The following TBC1D9 variants were observed in gnomAD, a reference collection of about 807,000 sequenced individuals.
TBC1D9 encodes TBC1 domain family member 9, also known as TBC1 domain family member 9A.
In TBC1D9, 63 loss-of-function variants were observed where a neutral mutation model predicts 132.0. The observed-to-expected ratio is 0.48, with a 90% confidence interval of 0.39 to 0.59. The LOEUF is 0.59. TBC1D9 is among the 20% of genes least tolerant of loss of function. The pLI is 0.00. For synonymous variants in TBC1D9, 610 were observed against 609.9 expected (o/e 1.00, Z 0.00); for missense variants, 1,261 against 1,592.7 (o/e 0.79, Z 3.54).
intron 6 of TBC1D9, among the ~76,000 whole-genome samples, chr4:140,673,680 C>T (rs1737575845): frequency 6.6e-6 from 1 of 152,152 alleles, no homozygotes; most frequent in African/African-American, 2.4e-5. Flanking sequence ...GCCTTCCAAC[C>T]ACAACAAGCT....
chr4:140,644,224 TG>T (rs964295582), intron 13 of TBC1D9: 5 of 333,034 alleles, frequency 1.5e-5, no homozygotes, highest in African/African-American at 4.4e-5. Context: ...TGGAAAGTGC[TG>T]GGGGCTTCCT....
rs186069970 is a variant in TBC1D9, at chr4:140,659,776, T to G, written c.1804-71A>C. 2.0e-4 allele frequency: 222 copies of G among 1,085,290 alleles called. 1 individual carries two copies. In the East Asian group the frequency reaches 5.1e-3, roughly 25 times the overall value. The allele number at this position is 1,085,290 out of a possible 1,614,324, so 67.2% of individuals were successfully genotyped here. A position where few individuals can be genotyped will look rare whatever the true frequency, so the allele number is the denominator to read the frequency against. On this transcript the variant is annotated intron_variant, in intron 10 of 20. Transcript: ENST00000442267. ...AGCAATTCTGTTAGCATATTAAAAT[T>G]ACTCAGTTATTCTCACAAGGGCTGG...
intron 9 of TBC1D9, among the ~76,000 whole-genome samples, chr4:140,668,578 G>A (rs1737484159): frequency 6.6e-6 from 1 of 152,108 alleles, no homozygotes; most frequent in Non-Finnish European, 1.5e-5. Flanking sequence ...TGACGTAGCT[G>A]GGCAAGGAAA....
At chr4:140,659,381 G>A (rs1345424581) in intron 11 of TBC1D9, 15 of 395,992 alleles carry the variant, frequency 3.8e-5, no homozygotes, top group South Asian at 2.1e-4. Context: ...TGGAGCAGGC[G>A]TATGTGTATA....
At chr4:140,678,871 T>G (rs1737663786) in intron 5 of TBC1D9, 71 bp downstream of exon 5, 6 of 1,539,610 alleles carry the variant, frequency 3.9e-6, no homozygotes, top group Non-Finnish European at 5.3e-6. Context: ...CAGAGAAGGT[T>G]ACACTGAATA....
chr4:140,630,639 T>A (rs1358144608), intron 16 of TBC1D9, among the ~76,000 whole-genome samples: 1 of 152,210 alleles, frequency 6.6e-6, no homozygotes, highest in East Asian at 1.9e-4. Context: ...CTTGAGTTTG[T>A]TTTTCGAGTG....
At chr4:140,710,222 T>C (rs1738222515) in intron 1 of TBC1D9, among the ~76,000 whole-genome samples, 3 of 152,134 alleles carry the variant, frequency 2.0e-5, no homozygotes, top group Non-Finnish European at 2.9e-5. Flanking sequence ...GGTTTTGTTG[T>C]ATGTTTATCC....
At chr4:140,724,973 G>C (rs916167814) in intron 1 of TBC1D9, among the ~76,000 whole-genome samples, 1 of 152,106 alleles carries the variant, frequency 6.6e-6, no homozygotes, top group Non-Finnish European at 1.5e-5. Flanking sequence ...GTGCAACTTG[G>C]TAAAACCCCT....
intron 1 of TBC1D9, among the ~76,000 whole-genome samples, chr4:140,707,536 T>C (rs1177650481): frequency 6.6e-6 from 1 of 152,226 alleles, no homozygotes; most frequent in Non-Finnish European, 1.5e-5. Flanking sequence ...GTAGGCCACC[T>C]GCTGCCACCT....
At chr4:140,625,919 G>C (rs1456455668) in intron 18 of TBC1D9, among the ~76,000 whole-genome samples, 1 of 152,082 alleles carries the variant, frequency 6.6e-6, no homozygotes, top group Non-Finnish European at 1.5e-5. Context: ...AGACAGTTTT[G>C]GCTTACTTAT....
chr4:140,682,735 A>G (rs1483391375), intron 3 of TBC1D9, among the ~76,000 whole-genome samples: 2 of 152,206 alleles, frequency 1.3e-5, no homozygotes, highest in African/African-American at 4.8e-5. Flanking sequence ...GTGGGCTAAC[A>G]TGCTATTCTC....
chr4:140,644,909 G>T (rs950649907), intron 13 of TBC1D9: 2 of 445,704 alleles, frequency 4.5e-6, no homozygotes, highest in Admixed American at 6.7e-5. Context: ...GAGCCCCCAG[G>T]CTGGGTGGGA....
intron 1 of TBC1D9, among the ~76,000 whole-genome samples, chr4:140,755,012 G>T (rs1250754505): frequency 6.6e-6 from 1 of 152,152 alleles, no homozygotes; most frequent in Non-Finnish European, 1.5e-5. Flanking sequence ...ACTCTGAGGA[G>T]GGTCAAAGTT....
chr4:140,727,133 G>C (rs1032230199), intron 1 of TBC1D9, among the ~76,000 whole-genome samples: 4 of 152,218 alleles, frequency 2.6e-5, no homozygotes, highest in African/African-American at 9.6e-5. Context: ...CTTAGACTCT[G>C]AGAGGTATAC....
chr4:140,642,766 C>T (rs573960209), intron 13 of TBC1D9: 5 of 644,136 alleles, frequency 7.8e-6, no homozygotes, highest in Non-Finnish European at 1.4e-5. Context: ...CATCTGATGT[C>T]GGCAGAGATT....
rs184416779 is a variant in TBC1D9, at chr4:140,690,662, G to A, written c.242-4200C>T. On this transcript the variant is annotated intron_variant, in intron 2 of 20. Coordinates refer to ENST00000442267, the MANE Select transcript of TBC1D9 (RefSeq NM_015130.3). The stretch of plus-strand genomic sequence containing the variant: ...ATGCTCAGTGCTTTGGGGCTGCTTC[G>A]GTACTGCCAAAAGGGGTTTTGGAAG... Among the ~76,000 whole-genome samples the A allele has an allele frequency of 1.1e-3, 173 of 152,112 alleles. 1 individual carries two copies. Among genetic ancestry groups the A allele is most frequent in the Middle Eastern group, 3.4e-3 (1 of 294 alleles).
chr4:140,672,507 GA>G (rs1737554009), intron 6 of TBC1D9, among the ~76,000 whole-genome samples: 3 of 152,056 alleles, frequency 2.0e-5, no homozygotes, highest in Admixed American at 2.0e-4. Context: ...GGGATAAATG[GA>G]AAATGCCAAG....
intron 2 of TBC1D9, among the ~76,000 whole-genome samples, chr4:140,687,374 A>G (rs1239413377): frequency 1.0e-4 from 8 of 76,692 alleles, no homozygotes; most frequent in East Asian, 7.5e-4. Context: ...ATATATATAT[A>G]TATATATATA....
intron 1 of TBC1D9, among the ~76,000 whole-genome samples, chr4:140,751,777 G>C (rs1738927810): frequency 6.6e-6 from 1 of 152,086 alleles, no homozygotes; most frequent in Admixed American, 6.5e-5. Context: ...ATGGACAAGA[G>C]ACTTGAACAA....
Sources: allele counts gnomAD v4.1 joint callset (sites outside exome capture counted in the v4.1 genomes callset), GRCh38; gene constraint gnomAD v4.1.1; transcripts MANE v1.5; gene names NCBI Gene and HGNC (gene_info 2026-07-23, HGNC 2026-07-21).